The following VSTM2L variants were observed in gnomAD, a reference collection of about 807,000 sequenced individuals.
VSTM2L encodes the protein V-set and transmembrane domain-containing protein 2-like protein.
Under a neutral mutation model 19.9 loss-of-function variants are expected in VSTM2L, and 9 were observed. That is an observed-to-expected ratio of 0.45 (90% confidence interval 0.27 to 0.79). The LOEUF (loss-of-function observed/expected upper bound fraction) is 0.79. VSTM2L is among the 30% of genes least tolerant of loss of function. VSTM2L has a pLI of 0.15. For synonymous variants in VSTM2L, 127 were observed against 133.8 expected (o/e 0.95, Z 0.35); for missense variants, 286 against 295.5 (o/e 0.97, Z 0.24).
chr20:37,935,990 T>G (rs1195061331), intron 3 of VSTM2L, among the ~76,000 whole-genome samples: 1 of 151,308 alleles, frequency 6.6e-6, no homozygotes, highest in African/African-American at 2.4e-5. Context: ...GTTCGAGAAA[T>G]TCTCCTGCTT....
In VSTM2L at chr20:37,944,092, G is replaced by T. The variant is rs748288988; in HGVS notation, c.454G>T (p.Ala152Ser). ...CRVIDFSDGK[A>S]RHHKVKAYLR... ...CGTCATCGACTTCAGCGACGGCAAG[G>T]CCCGGCACCACAAGGTCAAGGCCTA... The change falls in exon 4 of 4, where the codon GCC becomes TCC. Residue 152 changes from alanine (A) to serine (S), a missense_variant. Transcript: ENST00000373461. 3 of 1,612,844 alleles carry T rather than the reference G, an allele frequency of 1.9e-6. No individual in the cohort carries two copies. Among genetic ancestry groups the T allele is most frequent in the African/African-American group, 1.3e-5 (1 of 75,004 alleles).
rs1265019665 is a variant in VSTM2L at position 37,931,814 on chromosome 20, C to G, written c.291+10C>G. ...GTGGGCCTCGAACCAGGTAATGCCC[C>G]TGGGGAGATGCCCAAGCTGGGCTGG... On this transcript the variant is annotated intron_variant, in intron 2 of 3. Coordinates refer to ENST00000373461, the MANE Select transcript of VSTM2L (RefSeq NM_080607.3). The G allele has an allele frequency of 1.9e-6, 3 of 1,610,070 alleles. No individual in the cohort carries two copies. The highest frequency in any genetic ancestry group is 2.2e-5 in the East Asian group (1 of 44,768).
intron 1 of VSTM2L, among the ~76,000 whole-genome samples, chr20:37,905,594 C>T (rs1049294096): frequency 2.0e-5 from 3 of 152,242 alleles, no homozygotes; most frequent in Middle Eastern, 3.4e-3. Flanking sequence ...TCCTGAAACC[C>T]CCGTGTGGCT....
At chr20:37,923,669 G>GGA (rs1182966693) in intron 1 of VSTM2L, among the ~76,000 whole-genome samples, 1 of 152,168 alleles carries the variant, frequency 6.6e-6, no homozygotes, top group Non-Finnish European at 1.5e-5. Context: ...AAGTCAAAGA[G>GGA]GAGAGATGGA....
At chr20:37,921,877 C>G (rs2072853986) in intron 1 of VSTM2L, among the ~76,000 whole-genome samples, 1 of 112,388 alleles carries the variant, frequency 8.9e-6, no homozygotes, top group African/African-American at 3.6e-5. Context: ...GAGTCTTGCT[C>G]TGTCACCCAG....
intron 1 of VSTM2L, among the ~76,000 whole-genome samples, chr20:37,904,155 A>T (rs978220365): frequency 1.3e-5 from 2 of 152,214 alleles, no homozygotes; most frequent in Non-Finnish European, 2.9e-5. Flanking sequence ...CTGGGGCTGC[A>T]GCCTCCCAGT....
At chr20:37,930,637 G>A (rs917487599) in intron 1 of VSTM2L, among the ~76,000 whole-genome samples, 1 of 152,004 alleles carries the variant, frequency 6.6e-6, no homozygotes, top group Admixed American at 6.6e-5. Flanking sequence ...ACATGAAGTG[G>A]GGATGTTTTC....
chr20:37,936,265 C>T (rs950231241), intron 3 of VSTM2L, among the ~76,000 whole-genome samples: 3 of 152,080 alleles, frequency 2.0e-5, no homozygotes, highest in African/African-American at 4.8e-5. Context: ...AGAGCTCCTG[C>T]GGGGGCCCGG....
intron 1 of VSTM2L, among the ~76,000 whole-genome samples, chr20:37,918,208 G>T (rs2072830730): frequency 6.6e-6 from 1 of 152,202 alleles, no homozygotes; most frequent in Non-Finnish European, 1.5e-5. Context: ...AAGCTTTCCA[G>T]GTATGTGGCC....
intron 1 of VSTM2L, among the ~76,000 whole-genome samples, chr20:37,930,590 G>A (rs1034483386): frequency 1.1e-4 from 17 of 152,272 alleles, no homozygotes; most frequent in African/African-American, 3.1e-4. Flanking sequence ...TTGGGGAGAC[G>A]GGAGACAGAA....
intron 1 of VSTM2L, among the ~76,000 whole-genome samples, chr20:37,926,514 C>T (rs1015427501): frequency 4.6e-5 from 7 of 152,232 alleles, no homozygotes; most frequent in African/African-American, 1.7e-4. Context: ...GCACTCTAGC[C>T]TGGCGAAAGA....
At chr20:37,923,966 GTGGC>G (rs2072866210) in intron 1 of VSTM2L, among the ~76,000 whole-genome samples, 1 of 152,230 alleles carries the variant, frequency 6.6e-6, no homozygotes, top group South Asian at 2.1e-4. Context: ...CCTGGGTGTG[GTGGC>G]TCACGCCTGT....
Position 37,945,260 on chromosome 20 carries a change from G to C in VSTM2L, c.*1007G>C. The stretch of plus-strand genomic sequence containing the variant: ...GTGATGACGTGGGGGAGGTGGGAGA[G>C]GCCGAGGGCTTTGCCTAGGGGTGGG... On this transcript the variant is annotated 3_prime_UTR_variant, in exon 4 of 4. Coordinates refer to ENST00000373461, the MANE Select transcript of VSTM2L (RefSeq NM_080607.3). 2 of 985,542 alleles carry C rather than the reference G, an allele frequency of 2.0e-6. No individual in the cohort carries two copies. Among genetic ancestry groups the C allele is most frequent in the Non-Finnish European group, 2.4e-6 (2 of 830,012 alleles). 61.0% of individuals were successfully genotyped at this position (985,542 alleles called of 1,614,324 possible).
intron 1 of VSTM2L, among the ~76,000 whole-genome samples, chr20:37,915,566 C>G (rs2072813653): frequency 6.6e-6 from 1 of 152,080 alleles, no homozygotes; most frequent in African/African-American, 2.4e-5. Context: ...CAGCACCGCT[C>G]ACAGCACCCA....
At chr20:37,937,488 C>T (rs2072947334) in intron 3 of VSTM2L, among the ~76,000 whole-genome samples, 1 of 152,154 alleles carries the variant, frequency 6.6e-6, no homozygotes. Context: ...TTCGATCTAA[C>T]TAAAGTCATT....
chr20:37,911,991 G>A (rs2072782403), intron 1 of VSTM2L, among the ~76,000 whole-genome samples: 1 of 152,190 alleles, frequency 6.6e-6, no homozygotes, highest in South Asian at 2.1e-4. Flanking sequence ...GTGGCCTGCA[G>A]GCATCTGCGG....
intron 1 of VSTM2L, among the ~76,000 whole-genome samples, chr20:37,921,838 C>CTTTTTTTTTTTTTTTT (rs756122087): frequency 2.2e-5 from 2 of 91,784 alleles, no homozygotes; most frequent in Admixed American, 1.2e-4. Context: ...CTTTCTTTTC[C>CTTTTTTTTTTTTTTTT]TTTTTTTTTT....
chr20:37,934,515 G>A (rs866737209), intron 3 of VSTM2L, among the ~76,000 whole-genome samples: 13 of 152,326 alleles, frequency 8.5e-5, no homozygotes, highest in South Asian at 4.1e-4. Flanking sequence ...ATGAATGTGC[G>A]TGTGTGCGTG....
chr20:37,944,087 G>A lies in VSTM2L; in HGVS notation c.449G>A (p.Gly150Asp). 6.2e-7 allele frequency: 1 copy of A among 1,612,806 alleles called. No homozygotes were observed. The highest frequency in any genetic ancestry group is 8.5e-7 in the Non-Finnish European group (1 of 1,179,296). Residue 150 changes from glycine to aspartate, a missense_variant, in exon 4 of 4, where the codon GGC becomes GAC. Transcript: ENST00000373461. ...TGCCGCGTCATCGACTTCAGCGACG[G>A]CAAGGCCCGGCACCACAAGGTCAAG... ...YECRVIDFSD[G>D]KARHHKVKAY...
Sources: gnomAD v4.1 joint callset for allele counts (sites outside exome capture counted in the v4.1 genomes callset) on GRCh38, gnomAD v4.1.1 for gene constraint, MANE v1.5 for transcripts, NCBI Gene and HGNC (gene_info 2026-07-23, HGNC 2026-07-21) for gene names.